Variants in ARHGEF18 observed in about 807,000 individuals in gnomAD.
ARHGEF18 encodes the protein Rho/Rac guanine nucleotide exchange factor 18.
ARHGEF18 carries 93 observed loss-of-function variants against 155.7 expected under a neutral mutation model. That is an observed-to-expected ratio of 0.60 (90% confidence interval 0.50 to 0.71). The LOEUF is 0.71. Ranked by LOEUF, ARHGEF18 falls within the 30% of genes least tolerant of loss-of-function variation. ARHGEF18 has a pLI of 0.00. For synonymous variants in ARHGEF18, 742 were observed against 753.1 expected (o/e 0.99, Z 0.24); for missense variants, 1,593 against 1,816.1 (o/e 0.88, Z 2.23).
downstream of ARHGEF18, among the ~76,000 whole-genome samples, chr19:7,475,382 G>A (rs566711540): frequency 6.6e-5 from 10 of 152,310 alleles, no homozygotes; most frequent in African/African-American, 2.2e-4. Context: ...TGAGGGGTGT[G>A]AGGTTTCTCT....
chr19:7,464,550 G>A lies in ARHGEF18; in HGVS notation c.2774-10G>A. ...GCAGCATCCTCATGCCCCTGGCTTG[G>A]GGTTCTCAGATGGCAGTTTCAAGAA... On this transcript the variant is annotated splice_polypyrimidine_tract_variant and intron_variant, in intron 22 of 28. Coordinates refer to ENST00000668164, the MANE Select transcript of ARHGEF18 (RefSeq NM_001367823.1). 6.2e-7 allele frequency: 1 copy of A among 1,606,838 alleles called. No homozygotes were observed. Among genetic ancestry groups the A allele is most frequent in the Non-Finnish European group, 8.5e-7 (1 of 1,174,714 alleles).
At chr19:7,372,276 G>C (rs1212594099) in intron 2 of ARHGEF18, among the ~76,000 whole-genome samples, 2 of 152,172 alleles carry the variant, frequency 1.3e-5, no homozygotes, top group African/African-American at 4.8e-5. Flanking sequence ...TGCCCAAGCT[G>C]GGTTTTGACG....
intron 10 of ARHGEF18, among the ~76,000 whole-genome samples, chr19:7,420,547 C>T (rs951981831): frequency 5.3e-5 from 8 of 152,320 alleles, no homozygotes; most frequent in African/African-American, 1.9e-4. Flanking sequence ...GCCCCCACGC[C>T]GGGCCTGTTT....
At chr19:7,454,783 A>G (rs1009552463) in intron 17 of ARHGEF18, among the ~76,000 whole-genome samples, 3 of 152,156 alleles carry the variant, frequency 2.0e-5, no homozygotes, top group African/African-American at 7.2e-5. Context: ...CATTGGTGGC[A>G]CATCGAGACA....
downstream of ARHGEF18, among the ~76,000 whole-genome samples, chr19:7,474,426 G>A (rs1483946415): frequency 6.6e-6 from 1 of 151,918 alleles, no homozygotes; most frequent in Non-Finnish European, 1.5e-5. Context: ...ACCCAGGCTG[G>A]AGTGCAGTGG....
In ARHGEF18 at chr19:7,447,144, C is replaced by T; in HGVS notation, c.1713C>T (p.Asn571=). 1 of 1,612,184 alleles carries T rather than the reference C, an allele frequency of 6.2e-7. No individual in the cohort carries two copies. Among genetic ancestry groups the T allele is most frequent in the Non-Finnish European group, 8.5e-7 (1 of 1,179,328 alleles). The change falls in exon 15 of 29, where the codon AAC becomes AAT. Residue 571 remains asparagine, a synonymous_variant. Coordinates refer to ENST00000668164, the MANE Select transcript of ARHGEF18 (RefSeq NM_001367823.1). ...VSHYKLLLQQ[N]KKFQNLIKKI... is the part of the protein sequence containing the mutation. Reference sequence around the variant, plus strand: ...ATTACAAGTTGCTGCTTCAGCAAAACAAGAAATTTCAAAACTTGATCAAGG... The same window carrying T: ...ATTACAAGTTGCTGCTTCAGCAAAATAAGAAATTTCAAAACTTGATCAAGG...
intron 1 of ARHGEF18, among the ~76,000 whole-genome samples, chr19:7,358,319 A>G (rs987523876): frequency 6.6e-6 from 1 of 151,644 alleles, no homozygotes; most frequent in Non-Finnish European, 1.5e-5. Flanking sequence ...CCAACCATCC[A>G]TCCATTCAAC....
Position 7,446,666 on chromosome 19 carries a change from G to A in ARHGEF18, c.1612-377G>A, listed in dbSNP as rs573325705. On this transcript the variant is annotated intron_variant, in intron 14 of 28. Coordinates refer to ENST00000668164, the MANE Select transcript of ARHGEF18 (RefSeq NM_001367823.1). ...TGAGGCAGGAGAATCGCTTGACCCC[G>A]GGAGGTGGAGGTTGCAGTGAGCCAA... Among the ~76,000 whole-genome samples, 32 of 151,990 alleles carry A rather than the reference G, an allele frequency of 2.1e-4. 1 individual carries two copies. The South Asian group carries it at 6.2e-3, about 30-fold the overall frequency.
chr19:7,433,637 T>C (rs1021876251), intron 10 of ARHGEF18, among the ~76,000 whole-genome samples: 3 of 150,690 alleles, frequency 2.0e-5, no homozygotes, highest in African/African-American at 7.3e-5. Context: ...TAATAAGGAG[T>C]GTGCTTGGCT....
chr19:7,451,317 C>A, intron 16 of ARHGEF18, 51 bp downstream of exon 16: 2 of 1,503,140 alleles, frequency 1.3e-6, no homozygotes, highest in Non-Finnish European at 1.8e-6. Context: ...CAGCACAGGG[C>A]TCTCTCCGTG....
At chr19:7,409,327 TAA>T (rs142783549) in intron 10 of ARHGEF18, among the ~76,000 whole-genome samples, 5 of 114,676 alleles carry the variant, frequency 4.4e-5, no homozygotes, top group East Asian at 2.5e-4. Context: ...CCCTGTTTCT[TAA>T]AAAAAAAAAA....
chr19:7,457,732 C>A (rs1461628706), intron 18 of ARHGEF18, among the ~76,000 whole-genome samples: 2 of 152,056 alleles, frequency 1.3e-5, no homozygotes, highest in African/African-American at 4.8e-5. Flanking sequence ...CTCAGGACTT[C>A]ATATGAATTT....
Position 7,444,392 on chromosome 19 carries a change from C to T in ARHGEF18, c.1549C>T (p.Leu517=). The T allele has an allele frequency of 6.2e-7, 1 of 1,613,734 alleles. No homozygotes were observed. Among genetic ancestry groups the T allele is most frequent in the Non-Finnish European group, 8.5e-7 (1 of 1,180,026 alleles). ...GCTCAAGGAGCGCCGCCAGGAGTCC[C>T]TGGAGGAGGGCAGTGACCGGAATTA... ...ARLKERRQES[L]EEGSDRNYVI... is the part of the protein sequence containing the mutation. The change falls in exon 14 of 29, where the codon CTG becomes TTG. Residue 517 remains leucine, a synonymous_variant. Transcript: ENST00000668164. The surrounding 1 kb of genome is among the most constrained non-coding windows in gnomAD (Gnocchi z 4.7).
In ARHGEF18 at chr19:7,444,068, G is replaced by A; in HGVS notation, c.1361-136G>A. 8.7e-7 allele frequency: 1 copy of A among 1,149,622 alleles called. No homozygotes were observed. The highest frequency in any genetic ancestry group is 1.2e-6 in the Non-Finnish European group (1 of 818,912). The allele number at this position is 1,149,622 out of a possible 1,614,324, so 71.2% of individuals were successfully genotyped here. On this transcript the variant is annotated intron_variant, in intron 13 of 28. Coordinates refer to ENST00000668164, the MANE Select transcript of ARHGEF18 (RefSeq NM_001367823.1). The surrounding 1 kb of genome is among the most constrained non-coding windows in gnomAD (Gnocchi z 4.7). ...CCCTGGACACCCTGGAAGTAAGAAAGATCCCAAAGGCACAAGGTCTTAGGC... is the reference window on the plus strand; with the variant it reads ...CCCTGGACACCCTGGAAGTAAGAAAAATCCCAAAGGCACAAGGTCTTAGGC...
downstream of ARHGEF18, chr19:7,476,890 T>G: frequency 5.9e-6 from 2 of 336,230 alleles, no homozygotes; most frequent in African/African-American, 2.1e-5. Context: ...CACCACAATG[T>G]TTAATTGATT....
At position 7,444,242 on chromosome 19, in the gene ARHGEF18, A is replaced by G; in HGVS notation, c.1399A>G (p.Lys467Glu). 6.2e-7 allele frequency: 1 copy of G among 1,613,598 alleles called. No individual in the cohort carries two copies. Among genetic ancestry groups the G allele is most frequent in the Non-Finnish European group, 8.5e-7 (1 of 1,180,016 alleles). ...QTEVHHVRTL[K>E]IMLKVYSRAL... ...AGAGGTGCACCACGTGCGGACGCTCAAGATCATGCTGAAGGTGTACTCCAG... is the reference window on the plus strand; with the variant it reads ...AGAGGTGCACCACGTGCGGACGCTCGAGATCATGCTGAAGGTGTACTCCAG... Residue 467 changes from lysine to glutamate, a missense_variant, in exon 14 of 29, where the codon AAG (lysine) becomes GAG (glutamate). Physicochemically the swap from Lys to Glu is moderately conservative, Grantham distance 56. Coordinates refer to ENST00000668164, the MANE Select transcript of ARHGEF18 (RefSeq NM_001367823.1). This position sits in a 1 kb window ranked among gnomAD's most constrained non-coding sequence, Gnocchi z 4.7.
intron 16 of ARHGEF18, among the ~76,000 whole-genome samples, chr19:7,452,591 G>A (rs961276353): frequency 2.0e-5 from 3 of 151,416 alleles, no homozygotes; most frequent in Admixed American, 6.6e-5. Context: ...TCAGCCTCCC[G>A]AGTAGCTGGG....
intron 10 of ARHGEF18, among the ~76,000 whole-genome samples, chr19:7,385,899 T>C (rs1333016049): frequency 2.0e-5 from 1 of 50,116 alleles, no homozygotes; most frequent in African/African-American, 1.5e-4. Context: ...TCCCTCCCTC[T>C]CTCTCTCCCT....
intron 10 of ARHGEF18, among the ~76,000 whole-genome samples, chr19:7,431,319 C>G (rs184228821): frequency 3.9e-5 from 6 of 151,962 alleles, no homozygotes; most frequent in Non-Finnish European, 7.4e-5. Context: ...GCATTCGAAA[C>G]CAGCCTGGCC....
Sources: gnomAD v4.1 joint callset for allele counts (sites outside exome capture counted in the v4.1 genomes callset) on GRCh38, gnomAD v4.1.1 for gene constraint, Gnocchi (gnomAD v3.1) non-coding constraint, MANE v1.5 for transcripts, NCBI Gene and HGNC (gene_info 2026-07-23, HGNC 2026-07-21) for gene names.